The following ZNF362 variants were observed in gnomAD, a reference collection of about 807,000 sequenced individuals.
ZNF362 encodes the protein zinc finger protein 362.
Under a neutral mutation model 42.9 loss-of-function variants are expected in ZNF362, and 11 were observed. That is an observed-to-expected ratio of 0.26 (90% CI 0.16 to 0.42). The LOEUF (loss-of-function observed/expected upper bound fraction) is 0.42. Among genes scored for constraint, ZNF362 ranks in the 20% least tolerant of loss-of-function variants. The pLI is 1.00. For synonymous variants in ZNF362, 255 were observed against 257.3 expected (o/e 0.99, Z 0.09); for missense variants, 362 against 576.2 (o/e 0.63, Z 3.81).
At chr1:33,284,387 T>C (rs1254200266) in intron 6 of ZNF362, among the ~76,000 whole-genome samples, 1 of 152,260 alleles carries the variant, frequency 6.6e-6, no homozygotes, top group Non-Finnish European at 1.5e-5. Context: ...TACCCAATTA[T>C]ATCCTGTTAG....
chr1:33,186,638 C>G, the ZNF362 span, among the ~76,000 whole-genome samples: 9 of 146,476 alleles, frequency 6.1e-5, no homozygotes, highest in Non-Finnish European at 1.2e-4. Flanking sequence ...AAACCCCCAT[C>G]TCTACTAAAA....
At chr1:33,145,909 G>T in the ZNF362 span, 1 of 471,006 alleles carries the variant, frequency 2.1e-6, no homozygotes, top group South Asian at 1.5e-5. Context: ...TTCTGGATCT[G>T]ACTTAAGTTC....
chr1:33,270,554 A>G lies in ZNF362; in HGVS notation c.-21A>G, dbSNP rs768197053. On this transcript the variant is annotated 5_prime_UTR_variant, in exon 2 of 9. Coordinates refer to ENST00000539719, the MANE Select transcript of ZNF362 (RefSeq NM_152493.3). ...GGGAAAGCTCCGTAGAAGAGGGAACACTTGAGCTGGGTCTTGAAGGATGAG... is the reference window on the plus strand; with the variant it reads ...GGGAAAGCTCCGTAGAAGAGGGAACGCTTGAGCTGGGTCTTGAAGGATGAG... 21 of 1,535,058 alleles carry G rather than the reference A, an allele frequency of 1.4e-5. No individual in the cohort carries two copies. In the Admixed American group the frequency reaches 2.4e-4, roughly 17 times the overall value.
intron 6 of ZNF362, among the ~76,000 whole-genome samples, chr1:33,290,848 T>C (rs1436115811): frequency 2.6e-5 from 4 of 152,260 alleles, no homozygotes. Flanking sequence ...GTCTTTTGGC[T>C]GCATAGATGT....
the ZNF362 span, among the ~76,000 whole-genome samples, chr1:33,231,658 G>A: frequency 4.6e-5 from 7 of 152,198 alleles, no homozygotes; most frequent in Non-Finnish European, 1.0e-4. Flanking sequence ...ACTAGAGAGT[G>A]AGGTCAGTAA....
intron 1 of ZNF362, among the ~76,000 whole-genome samples, chr1:33,269,905 C>T (rs1032122512): frequency 6.6e-6 from 1 of 152,196 alleles, no homozygotes; most frequent in Non-Finnish European, 1.5e-5. Context: ...ACACCTTCCT[C>T]AGTACCCCCT....
the ZNF362 span, among the ~76,000 whole-genome samples, chr1:33,250,770 A>G: frequency 6.6e-5 from 10 of 151,882 alleles, no homozygotes; most frequent in African/African-American, 2.4e-4. Flanking sequence ...AAGAAAGAAG[A>G]AGGAAGAAGA....
the ZNF362 span, among the ~76,000 whole-genome samples, chr1:33,233,855 A>C: frequency 1.3e-5 from 2 of 152,094 alleles, no homozygotes; most frequent in East Asian, 3.9e-4. Context: ...TCACTTCCTA[A>C]ATATGGAACT....
the ZNF362 span, chr1:33,165,565 C>T: frequency 1.2e-6 from 2 of 1,605,120 alleles, no homozygotes; most frequent in Non-Finnish European, 1.7e-6. This position sits in a 1 kb window ranked among gnomAD's most constrained non-coding sequence, Gnocchi z 4.0. Flanking sequence ...CTTCAGCTCC[C>T]TCTGAAACAC....
the ZNF362 span, among the ~76,000 whole-genome samples, chr1:33,151,310 AC>A: frequency 6.6e-6 from 1 of 151,906 alleles, no homozygotes; most frequent in Non-Finnish European, 1.5e-5. Context: ...AGGGCCTGCC[AC>A]TCTCTTAGGC....
chr1:33,173,540 C>T, the ZNF362 span, among the ~76,000 whole-genome samples: 4 of 152,280 alleles, frequency 2.6e-5, no homozygotes, highest in Non-Finnish European at 2.9e-5. Flanking sequence ...CCACACCCTC[C>T]CCTCTAGCCA....
the ZNF362 span, among the ~76,000 whole-genome samples, chr1:33,170,018 G>A: frequency 6.6e-6 from 1 of 152,108 alleles, no homozygotes; most frequent in South Asian, 2.1e-4. Context: ...TAATTGCAAG[G>A]TTACCTGTCA....
intron 6 of ZNF362, among the ~76,000 whole-genome samples, chr1:33,290,403 T>G (rs1646069040): frequency 6.6e-6 from 1 of 151,974 alleles, no homozygotes; most frequent in South Asian, 2.1e-4. Context: ...TCATCATTTT[T>G]TATGGCTGCA....
Position 33,295,314 on chromosome 1 carries a change from C to A in ZNF362, c.1146+9C>A. 6.2e-7 allele frequency: 1 copy of A among 1,612,940 alleles called. No homozygotes were observed. Among genetic ancestry groups the A allele is most frequent in the Non-Finnish European group, 8.5e-7 (1 of 1,179,530 alleles). On this transcript the variant is annotated intron_variant, in intron 8 of 8. Transcript: ENST00000539719. ...GGCGGGCCTACACCTCGGTGAGTGCCGGTCGGCCTGTGCCCTGCCCCGGGG... is the reference window on the plus strand; with the variant it reads ...GGCGGGCCTACACCTCGGTGAGTGCAGGTCGGCCTGTGCCCTGCCCCGGGG...
the ZNF362 span, among the ~76,000 whole-genome samples, chr1:33,231,923 G>T: frequency 6.6e-6 from 1 of 152,108 alleles, no homozygotes. Flanking sequence ...ATCAGTAGGT[G>T]GGAACTGAAA....
intron 4 of ZNF362, among the ~76,000 whole-genome samples, chr1:33,277,087 C>G (rs922443285): frequency 2.0e-5 from 3 of 152,168 alleles, no homozygotes; most frequent in African/African-American, 7.2e-5. Context: ...TGGGGAGGCC[C>G]GGAAGATGGT....
chr1:33,220,755 A>G, the ZNF362 span, among the ~76,000 whole-genome samples: 2,157 of 152,212 alleles, frequency 0.014, 51 homozygotes, highest in African/African-American at 0.048. Flanking sequence ...GTTTTCCAAC[A>G]TGGGGTCCCA....
the ZNF362 span, among the ~76,000 whole-genome samples, chr1:33,203,480 T>C: frequency 6.6e-6 from 1 of 152,230 alleles, no homozygotes; most frequent in Non-Finnish European, 1.5e-5. Flanking sequence ...TTCATTTTTG[T>C]ATATACCCAC....
At chr1:33,206,838 C>T in the ZNF362 span, among the ~76,000 whole-genome samples, 4 of 152,142 alleles carry the variant, frequency 2.6e-5, no homozygotes, top group Non-Finnish European at 2.9e-5. Context: ...TGTTCGACAT[C>T]ATTAATCATT....
Sources: allele counts gnomAD v4.1 joint callset (sites outside exome capture counted in the v4.1 genomes callset), GRCh38; gene constraint gnomAD v4.1.1; non-coding constraint Gnocchi (gnomAD v3.1); transcripts MANE v1.5; gene names NCBI Gene and HGNC (gene_info 2026-07-23, HGNC 2026-07-21).